SYCP2L: variants seen among roughly 807,000 people sequenced by gnomAD.
The protein encoded by SYCP2L is synaptonemal complex protein 2 like, also known as synaptonemal complex protein 2-like.
Under a neutral mutation model 125.8 loss-of-function variants are expected in SYCP2L, and 98 were observed. The ratio of observed to expected loss-of-function variants is 0.78; its 90% CI spans 0.66 to 0.92. The LOEUF (loss-of-function observed/expected upper bound fraction) is 0.92. Ranked by LOEUF, SYCP2L falls within the 40% of genes least tolerant of loss-of-function variation. The pLI, the probability that SYCP2L is intolerant of heterozygous loss-of-function variation, is 0.00. For synonymous variants in SYCP2L, 317 were observed against 325.4 expected, an observed-to-expected ratio of 0.97 and a Z score of 0.28; for missense variants, 842 against 936.4, an observed-to-expected ratio of 0.90 and a Z score of 1.32.
intron 29 of SYCP2L, among the ~76,000 whole-genome samples, chr6:10,971,044 G>A (rs1344304930): frequency 1.3e-5 from 2 of 152,202 alleles, no homozygotes; most frequent in Non-Finnish European, 2.9e-5. Flanking sequence ...TTATGTACTT[G>A]CCTGTGAAGT....
chr6:10,899,636 G>C (rs1241867115), intron 6 of SYCP2L, among the ~76,000 whole-genome samples: 1 of 152,238 alleles, frequency 6.6e-6, no homozygotes. Flanking sequence ...GAGCCATCTT[G>C]ATATGTCATT....
chr6:10,967,454 G>GGGGTGT (rs56098075), intron 29 of SYCP2L, among the ~76,000 whole-genome samples: 11,323 of 138,856 alleles, frequency 0.082, 512 homozygotes, highest in Middle Eastern at 0.12. Flanking sequence ...TGGGGTAGAG[G>GGGGTGT]GTGTGTGTGT....
rs192055817 is a variant in SYCP2L at position 10,924,405 on chromosome 6, A to G, written c.1073-91A>G. ...TCTTAACACAGAAAAATCTGGACAA[A>G]TACCCTAGCGTAGTTATTTAAAATG... On this transcript the variant is annotated intron_variant, in intron 14 of 29. Transcript: ENST00000283141. 339 of 1,070,322 alleles carry G rather than the reference A, an allele frequency of 3.2e-4. No homozygotes were observed. In the African/African-American group the frequency reaches 4.9e-3, roughly 15 times the overall value. The allele number at this position is 1,070,322 out of a possible 1,614,324, so 66.3% of individuals were successfully genotyped here.
intron 4 of SYCP2L, among the ~76,000 whole-genome samples, chr6:10,896,950 C>G (rs1454306566): frequency 6.6e-6 from 1 of 152,154 alleles, no homozygotes; most frequent in Non-Finnish European, 1.5e-5. Context: ...TTTTGAAGGC[C>G]TGACTCCTGC....
intron 26 of SYCP2L, among the ~76,000 whole-genome samples, chr6:10,960,271 T>C (rs1490021733): frequency 1.3e-5 from 2 of 152,188 alleles, no homozygotes; most frequent in East Asian, 3.8e-4. Flanking sequence ...TTTACTATTT[T>C]TCAAAGTCTG....
Position 10,929,520 on chromosome 6 carries a change from T to G in SYCP2L, c.1489-850T>G. 1.3e-5 allele frequency among the ~76,000 whole-genome samples: 2 copies of G among 152,192 alleles called. 1 individual carries two copies. The highest frequency in any genetic ancestry group is 3.8e-4 in the East Asian group (2 of 5,196). ...AAAATTAATGTAAGAACAGAAAAAT[T>G]TTAAAAATATAAATATCAAAGTACA... On this transcript the variant is annotated intron_variant, in intron 18 of 29. Coordinates refer to ENST00000283141, the MANE Select transcript of SYCP2L (RefSeq NM_001040274.3).
At chr6:10,937,127 T>TG (rs1305797271) in intron 21 of SYCP2L, among the ~76,000 whole-genome samples, 1 of 152,206 alleles carries the variant, frequency 6.6e-6, no homozygotes, top group African/African-American at 2.4e-5. Context: ...CTAACAGCAG[T>TG]GGAACACTTA....
intron 4 of SYCP2L, among the ~76,000 whole-genome samples, chr6:10,894,533 A>G (rs1490052746): frequency 1.3e-5 from 2 of 152,186 alleles, no homozygotes; most frequent in African/African-American, 4.8e-5. Flanking sequence ...AACTATTTTA[A>G]TAGACTTTAT....
chr6:10,918,026 G>A (rs2761595), intron 14 of SYCP2L, among the ~76,000 whole-genome samples: 107,334 of 151,710 alleles, frequency 0.71, 38,438 homozygotes, highest in East Asian at 0.99. Context: ...TGTTAATCTG[G>A]TAGGTTTCCT....
chr6:10,942,434 C>G (rs760497660), intron 21 of SYCP2L, 25 bp from the exon 22 acceptor site: 1 of 1,502,648 alleles, frequency 6.7e-7, no homozygotes, highest in Non-Finnish European at 8.9e-7. Context: ...CGTGTATTCA[C>G]TTGAAACTTC....
At chr6:10,971,505 GAAAC>G (rs1189595997) in intron 29 of SYCP2L, among the ~76,000 whole-genome samples, 5 of 150,978 alleles carry the variant, frequency 3.3e-5, no homozygotes, top group African/African-American at 1.2e-4. Context: ...GTTACTTTGT[GAAAC>G]AAACAACATA....
intron 26 of SYCP2L, among the ~76,000 whole-genome samples, chr6:10,961,070 C>G (rs538768211): frequency 3.8e-4 from 51 of 134,380 alleles, no homozygotes; most frequent in African/African-American, 1.5e-3. Flanking sequence ...AAGAGTGAAA[C>G]TCCATCTCAA....
chr6:10,945,499 G>T (rs1781296581), intron 23 of SYCP2L, among the ~76,000 whole-genome samples: 1 of 152,132 alleles, frequency 6.6e-6, no homozygotes, highest in Non-Finnish European at 1.5e-5. Context: ...GCCAGGCGTG[G>T]TGGCTCACAC....
At chr6:10,957,643 T>C (rs1561701131) in intron 25 of SYCP2L, among the ~76,000 whole-genome samples, 1 of 152,200 alleles carries the variant, frequency 6.6e-6, no homozygotes. Flanking sequence ...TGAGACCCTG[T>C]CTCTACAAAA....
At position 10,937,508 on chromosome 6, in the gene SYCP2L, C is replaced by T. The variant is rs1781120986; in HGVS notation, c.1813+2321C>T. On this transcript the variant is annotated intron_variant, in intron 21 of 29. Coordinates refer to ENST00000283141, the MANE Select transcript of SYCP2L (RefSeq NM_001040274.3). ...AAAGGAAAATCCCAAGTAACTTCAC[C>T]CCTCAAGAAACTGAAAAAAGAAGAA... 2.0e-5 allele frequency among the ~76,000 whole-genome samples: 3 copies of T among 151,850 alleles called. No homozygotes were observed. In the South Asian group the frequency reaches 6.2e-4, roughly 31 times the overall value.
intron 1 of SYCP2L, among the ~76,000 whole-genome samples, chr6:10,891,206 A>C (rs1292394562): frequency 6.6e-6 from 1 of 152,190 alleles, no homozygotes; most frequent in Non-Finnish European, 1.5e-5. Context: ...CTTCTACTTT[A>C]TAATCATCAT....
At chr6:10,922,671 T>C (rs1172337778) in intron 14 of SYCP2L, 2 of 151,978 alleles carry the variant, frequency 1.3e-5, no homozygotes, top group East Asian at 3.9e-4. Context: ...TAAGATTACT[T>C]TTGTTGCATG....
At chr6:10,935,228 A>G in intron 21 of SYCP2L, 41 bp downstream of exon 21, 1 of 1,598,406 alleles carries the variant, frequency 6.3e-7, no homozygotes, top group Non-Finnish European at 8.5e-7. Flanking sequence ...AAAAATTTGT[A>G]TTTGGGAAAG....
At chr6:10,956,787 ATGTAT>A (rs1283327656) in intron 25 of SYCP2L, among the ~76,000 whole-genome samples, 1 of 151,662 alleles carries the variant, frequency 6.6e-6, no homozygotes. Context: ...CACAGTTTAT[ATGTAT>A]ATCAATCATG....
Sources: allele counts gnomAD v4.1 joint callset (sites outside exome capture counted in the v4.1 genomes callset), GRCh38; gene constraint gnomAD v4.1.1; transcripts MANE v1.5; gene names NCBI Gene and HGNC (gene_info 2026-07-23, HGNC 2026-07-21).